HMCN1: variants seen among roughly 807,000 people sequenced by gnomAD.
HMCN1 encodes the protein hemicentin 1, also known as hemicentin-1.
Under a neutral mutation model 625.9 loss-of-function variants are expected in HMCN1, and 321 were observed. The observed-to-expected ratio is 0.51, with a 90% CI of 0.47 to 0.56. The LOEUF (loss-of-function observed/expected upper bound fraction) is 0.56. Ranked by LOEUF, HMCN1 falls within the 20% of genes least tolerant of loss-of-function variation. The pLI is 0.00. For synonymous variants in HMCN1, 2,425 were observed against 2,417.6 expected (o/e 1.00, Z -0.09); for missense variants, 6,588 against 6,887.3 (o/e 0.96, Z 1.54).
At chr1:186,076,090 T>C (rs1026157220) in intron 53 of HMCN1, among the ~76,000 whole-genome samples, 1 of 152,182 alleles carries the variant, frequency 6.6e-6, no homozygotes, top group African/African-American at 2.4e-5. Context: ...TAATGGTTTC[T>C]CAAAATTAGT....
At chr1:185,979,123 G>A (rs1319225564) in intron 16 of HMCN1, among the ~76,000 whole-genome samples, 2 of 152,164 alleles carry the variant, frequency 1.3e-5, no homozygotes, top group East Asian at 1.9e-4. Context: ...CCCTCACTCA[G>A]GTAGTTTGCA....
intron 64 of HMCN1, among the ~76,000 whole-genome samples, chr1:186,091,607 A>C (rs778446342): frequency 6.6e-5 from 10 of 152,046 alleles, no homozygotes; most frequent in Non-Finnish European, 1.3e-4. Context: ...GAGATGGAAT[A>C]ATAATGTGGT....
At chr1:185,865,582 T>C (rs3221595) in intron 3 of HMCN1, among the ~76,000 whole-genome samples, 159 bp from the exon 4 acceptor site, 4 of 135,282 alleles carry the variant, frequency 3.0e-5, no homozygotes, top group Admixed American at 7.6e-5. Flanking sequence ...TATATAAGCA[T>C]ACACACACAC....
chr1:186,112,833 C>T lies in HMCN1; in HGVS notation c.11011C>T (p.Leu3671=). 1 of 1,614,158 alleles carries T rather than the reference C, an allele frequency of 6.2e-7. No individual in the cohort carries two copies. Among genetic ancestry groups the T allele is most frequent in the Non-Finnish European group, 8.5e-7 (1 of 1,180,014 alleles). Residue 3671 remains leucine (L), a synonymous_variant, in exon 72 of 107, where the codon CTA becomes TTA. Transcript: ENST00000271588. ...CCAGGCAACACCTCGAGTGCGAATC[C>T]TATCTGGAGGGAGATACTTGCAAAT... is the stretch of plus-strand genomic sequence containing the variant. ...RLQATPRVRI[L]SGGRYLQINN...
chr1:185,900,007 G>A (rs1161240337), intron 4 of HMCN1, among the ~76,000 whole-genome samples: 1 of 151,862 alleles, frequency 6.6e-6, no homozygotes, highest in Non-Finnish European at 1.5e-5. Flanking sequence ...CCTATGGGTT[G>A]GATGCTTTTT....
chr1:185,958,942 C>CTGTCATTCATTGAAATT (rs1356323360), intron 11 of HMCN1, among the ~76,000 whole-genome samples: 1 of 152,166 alleles, frequency 6.6e-6, no homozygotes, highest in East Asian at 1.9e-4. Context: ...GAACTGACTA[C>CTGTCATTCATTGAAATT]TAGAAAGAGA....
chr1:186,085,120 A>G (rs1213960600), intron 57 of HMCN1, among the ~76,000 whole-genome samples: 1 of 152,078 alleles, frequency 6.6e-6, no homozygotes, highest in Non-Finnish European at 1.5e-5. Flanking sequence ...TACCAGCTTG[A>G]ACTGAGCCCT....
intron 97 of HMCN1, 48 bp from the exon 98 acceptor site, chr1:186,165,063 G>A (rs2102618097): frequency 2.6e-6 from 4 of 1,526,680 alleles, no homozygotes; most frequent in Non-Finnish European, 3.6e-6. Flanking sequence ...GAAGCCAGGG[G>A]CAACTATTCC....
chr1:186,054,109 C>A, intron 44 of HMCN1, 123 bp downstream of exon 44: 1 of 959,616 alleles, frequency 1.0e-6, no homozygotes, highest in Non-Finnish European at 1.6e-6. Context: ...TATCATATGA[C>A]ACACACATTT....
chr1:186,167,378 G>A (rs1201078871), intron 100 of HMCN1, among the ~76,000 whole-genome samples: 1 of 152,132 alleles, frequency 6.6e-6, no homozygotes, highest in East Asian at 1.9e-4. Context: ...TGAGTAGAAA[G>A]TACATAGATT....
intron 4 of HMCN1, among the ~76,000 whole-genome samples, chr1:185,898,650 G>A (rs1665630138): frequency 6.6e-6 from 1 of 152,080 alleles, no homozygotes; most frequent in Admixed American, 6.6e-5. Context: ...TTTCAGCTCA[G>A]GAAGGAACCC....
chr1:185,987,392 G>T, intron 19 of HMCN1, 40 bp from the exon 20 acceptor site: 1 of 1,206,520 alleles, frequency 8.3e-7, no homozygotes. Context: ...TTAAATGGAA[G>T]AACAGGTGCT....
chr1:186,078,560 T>G (rs1275775108), intron 55 of HMCN1, among the ~76,000 whole-genome samples: 2 of 152,246 alleles, frequency 1.3e-5, no homozygotes, highest in African/African-American at 4.8e-5. Flanking sequence ...ACTCTGCTTT[T>G]CTTTATTAAT....
intron 2 of HMCN1, among the ~76,000 whole-genome samples, chr1:185,861,322 C>T (rs189895534): frequency 4.6e-5 from 7 of 152,166 alleles, no homozygotes; most frequent in African/African-American, 1.7e-4. Context: ...AAAACTTCTC[C>T]TAGTGTGTTG....
At chr1:186,155,498 A>G (rs1246366933) in intron 97 of HMCN1, among the ~76,000 whole-genome samples, 1 of 152,196 alleles carries the variant, frequency 6.6e-6, no homozygotes, top group Admixed American at 6.5e-5. Flanking sequence ...AAAAAAAGAT[A>G]ACTGGGCACA....
chr1:185,935,605 A>T (rs1207963234), intron 11 of HMCN1, among the ~76,000 whole-genome samples: 2 of 143,138 alleles, frequency 1.4e-5, no homozygotes, highest in African/African-American at 6.1e-5. Flanking sequence ...ATAAAAAAAT[A>T]TGACAGTACA....
At chr1:186,069,627 AT>A in intron 50 of HMCN1, 35 bp from the exon 51 acceptor site, 1 of 1,390,050 alleles carries the variant, frequency 7.2e-7, no homozygotes, top group Non-Finnish European at 1.0e-6. Context: ...TGTCACTGTG[AT>A]TTTAGAGACT....
At chr1:186,041,484 T>C (rs1288447038) in intron 40 of HMCN1, among the ~76,000 whole-genome samples, 1 of 152,182 alleles carries the variant, frequency 6.6e-6, no homozygotes, top group Non-Finnish European at 1.5e-5. Context: ...TTCATTCTAC[T>C]CAAAGCCATG....
At chr1:186,185,771 G>A (rs1440520080) in intron 105 of HMCN1, among the ~76,000 whole-genome samples, 1 of 152,136 alleles carries the variant, frequency 6.6e-6, no homozygotes, top group Non-Finnish European at 1.5e-5. Context: ...ATGTACTACT[G>A]TACAATGACA....
Sources: gnomAD v4.1 joint callset for allele counts (sites outside exome capture counted in the v4.1 genomes callset) on GRCh38, gnomAD v4.1.1 for gene constraint, MANE v1.5 for transcripts, NCBI Gene and HGNC (gene_info 2026-07-23, HGNC 2026-07-21) for gene names.